BBX: variants seen among roughly 807,000 people sequenced by gnomAD.
BBX encodes the protein BBX high mobility group box domain containing, also known as HMG box transcription factor BBX.
Under a neutral mutation model 100.2 loss-of-function variants are expected in BBX, and 30 were observed. The observed-to-expected ratio is 0.30, with a 90% confidence interval of 0.22 to 0.41. The LOEUF (loss-of-function observed/expected upper bound fraction) is 0.41, where lower values mean the gene tolerates loss of function less well. BBX is among the 10% of genes least tolerant of loss of function. The probability of loss-of-function intolerance (pLI) is 1.00; values close to 1 mark genes in which losing one functional copy is unlikely to be tolerated. For missense variants in BBX, 1,023 were observed against 1,129.8 expected (o/e 0.91, Z 1.35); for synonymous variants, 376 against 388.1 (o/e 0.97, Z 0.37).
intron 9 of BBX, 59 bp downstream of exon 9, chr3:107,748,098 G>C: frequency 2.1e-6 from 3 of 1,418,150 alleles, no homozygotes; most frequent in Non-Finnish European, 3.0e-6. Context: ...CAGGAATACT[G>C]GAATGGAGTT....
chr3:107,661,880 A>G (rs2058463897), intron 3 of BBX: 1 of 985,212 alleles, frequency 1.0e-6, no homozygotes, highest in Non-Finnish European at 1.2e-6. Flanking sequence ...CATCTCCAGC[A>G]TGTTATAGAT....
At chr3:107,781,996 G>C (rs1002942567) in intron 13 of BBX, among the ~76,000 whole-genome samples, 1 of 152,114 alleles carries the variant, frequency 6.6e-6, no homozygotes, top group Non-Finnish European at 1.5e-5. Context: ...GAGATGTGAT[G>C]ATAGATCTCC....
intron 2 of BBX, among the ~76,000 whole-genome samples, chr3:107,558,494 A>C (rs1031706829): frequency 6.6e-6 from 1 of 151,992 alleles, no homozygotes; most frequent in African/African-American, 2.4e-5. Context: ...TCTCAAAAAC[A>C]ACAAAAAACA....
chr3:107,538,342 G>A (rs2107345681), intron 2 of BBX, among the ~76,000 whole-genome samples: 1 of 152,206 alleles, frequency 6.6e-6, no homozygotes, highest in East Asian at 1.9e-4. Flanking sequence ...CTGGTCTCAC[G>A]TATATGGTGA....
chr3:107,629,307 T>G (rs1169023593), intron 2 of BBX, among the ~76,000 whole-genome samples: 1 of 152,200 alleles, frequency 6.6e-6, no homozygotes. Flanking sequence ...TTGAAACCTA[T>G]CCAGGGTCCA....
intron 2 of BBX, among the ~76,000 whole-genome samples, chr3:107,601,193 C>T (rs889930319): frequency 6.6e-6 from 1 of 152,142 alleles, no homozygotes; most frequent in Non-Finnish European, 1.5e-5. Flanking sequence ...ACCCACTGGC[C>T]GTTCCCATCT....
chr3:107,524,655 T>G (rs2047618188), intron 1 of BBX: 1 of 150,374 alleles, frequency 6.7e-6, no homozygotes, highest in South Asian at 2.1e-4. Context: ...GAGAAGCTAT[T>G]TTTTGCTTTC....
Position 107,798,717 on chromosome 3 carries a change from T to C in BBX, c.2548T>C (p.Leu850=), listed in dbSNP as rs868338425. Reference sequence around the variant, plus strand: ...CCGGGTATCACCAGCAGGAGGTACTTTGGGTAAGAAGAGAGAGCTTTAGAC... The same window carrying C: ...CCGGGTATCACCAGCAGGAGGTACTCTGGGTAAGAAGAGAGAGCTTTAGAC... ...DGRVSPAGGT[L]DDKPKEQLQR... is the part of the protein sequence containing the mutation. The change falls in exon 16 of 18, where the codon TTG becomes CTG. Residue 850 remains leucine, a synonymous_variant. Coordinates refer to ENST00000325805, the MANE Select transcript of BBX (RefSeq NM_001142568.3). 3.7e-6 allele frequency: 6 copies of C among 1,613,562 alleles called. No homozygotes were observed. In the Middle Eastern group the frequency reaches 8.2e-4, roughly 222 times the overall value.
At chr3:107,804,531 A>G (rs2070885333) in intron 17 of BBX, among the ~76,000 whole-genome samples, 1 of 152,220 alleles carries the variant, frequency 6.6e-6, no homozygotes, top group Non-Finnish European at 1.5e-5. Flanking sequence ...AATTTTGGAC[A>G]GTTTTCTCAT....
chr3:107,642,574 A>G (rs1485558866), intron 2 of BBX, among the ~76,000 whole-genome samples: 1 of 152,202 alleles, frequency 6.6e-6, no homozygotes, highest in Non-Finnish European at 1.5e-5. Flanking sequence ...AATTAGAAAT[A>G]CAGTCTCTTT....
intron 3 of BBX, among the ~76,000 whole-genome samples, chr3:107,677,645 C>T (rs1275353201): frequency 6.6e-6 from 1 of 151,948 alleles, no homozygotes; most frequent in Admixed American, 6.6e-5. Flanking sequence ...TGTAACTTAT[C>T]GAATACTAAA....
intron 3 of BBX, among the ~76,000 whole-genome samples, chr3:107,658,851 C>G (rs2058288381): frequency 6.6e-6 from 1 of 152,126 alleles, no homozygotes; most frequent in African/African-American, 2.4e-5. Flanking sequence ...AGCTTCTTGA[C>G]TTGTTAAAAA....
At chr3:107,791,431 AT>A in intron 15 of BBX, 132 bp downstream of exon 15, 1 of 709,708 alleles carries the variant, frequency 1.4e-6, no homozygotes, top group Non-Finnish European at 2.3e-6. Context: ...TAATTAGGTT[AT>A]TTTTAATTTT....
intron 3 of BBX, among the ~76,000 whole-genome samples, chr3:107,699,059 G>T (rs1429967858): frequency 6.6e-6 from 1 of 151,796 alleles, no homozygotes; most frequent in Non-Finnish European, 1.5e-5. Flanking sequence ...GCCCGGCTCT[G>T]TGTCAAGCCC....
At chr3:107,674,258 T>C (rs1231745537) in intron 3 of BBX, among the ~76,000 whole-genome samples, 1 of 152,168 alleles carries the variant, frequency 6.6e-6, no homozygotes, top group Non-Finnish European at 1.5e-5. Context: ...TTGATTCTTT[T>C]AGTAAGTACC....
intron 3 of BBX, among the ~76,000 whole-genome samples, chr3:107,663,788 T>C (rs2058590369): frequency 1.3e-5 from 2 of 150,234 alleles, no homozygotes; most frequent in South Asian, 4.2e-4. Flanking sequence ...TTTAGCTGTT[T>C]TTCTTTCTTT....
chr3:107,674,197 T>C (rs973572888), intron 3 of BBX, among the ~76,000 whole-genome samples: 3 of 152,084 alleles, frequency 2.0e-5, no homozygotes, highest in Admixed American at 6.5e-5. Flanking sequence ...GTAAATATCT[T>C]TGGAAATTCT....
At chr3:107,683,791 C>A in intron 3 of BBX, among the ~76,000 whole-genome samples, 1 of 151,964 alleles carries the variant, frequency 6.6e-6, no homozygotes, top group East Asian at 1.9e-4. Context: ...TGGCAATTTT[C>A]CAGTTTCTAT....
intron 3 of BBX, among the ~76,000 whole-genome samples, chr3:107,683,329 T>A (rs2108009656): frequency 1.3e-5 from 2 of 152,250 alleles, no homozygotes; most frequent in South Asian, 4.1e-4. Flanking sequence ...TGTAAACTTG[T>A]ACTTTTTAGA....
Sources: allele counts gnomAD v4.1 joint callset (sites outside exome capture counted in the v4.1 genomes callset), GRCh38; gene constraint gnomAD v4.1.1; transcripts MANE v1.5; gene names NCBI Gene and HGNC (gene_info 2026-07-23, HGNC 2026-07-21).